FBXL17: variants seen among roughly 807,000 people sequenced by gnomAD.
The protein encoded by FBXL17 is F-box/LRR-repeat protein 17.
Under a neutral mutation model 66.2 loss-of-function variants are expected in FBXL17, and 22 were observed. The ratio of observed to expected loss-of-function variants is 0.33; its 90% CI spans 0.24 to 0.47. FBXL17 has a LOEUF of 0.47. FBXL17 is among the 20% of genes least tolerant of loss of function. The pLI, the probability that FBXL17 is intolerant of heterozygous loss-of-function variation, is 1.00. For missense variants in FBXL17, 878 were observed against 948.2 expected (o/e 0.93, Z 0.97); for synonymous variants, 474 against 400.5 (o/e 1.18, Z -2.19).
intron 6 of FBXL17, among the ~76,000 whole-genome samples, chr5:108,117,373 T>C (rs1039383852): frequency 2.0e-5 from 3 of 152,174 alleles, no homozygotes; most frequent in African/African-American, 7.2e-5. Context: ...ATTTAGTCTC[T>C]CAAACGTATA....
At chr5:107,930,548 C>T (rs1750695100) in intron 7 of FBXL17, among the ~76,000 whole-genome samples, 1 of 152,232 alleles carries the variant, frequency 6.6e-6, no homozygotes, top group Non-Finnish European at 1.5e-5. Flanking sequence ...GCCTCTCCAA[C>T]TAGTACATAA....
At chr5:108,060,261 T>C (rs1428683810) in intron 6 of FBXL17, among the ~76,000 whole-genome samples, 1 of 152,038 alleles carries the variant, frequency 6.6e-6, no homozygotes, top group Non-Finnish European at 1.5e-5. Context: ...TTCAGCTAAA[T>C]GGAGAAGAAA....
chr5:108,033,855 T>C (rs1746735695), intron 6 of FBXL17, among the ~76,000 whole-genome samples: 2 of 152,198 alleles, frequency 1.3e-5, no homozygotes, highest in African/African-American at 2.4e-5. Context: ...ATAATAACAA[T>C]TCTACTCTTA....
chr5:107,905,478 G>A (rs909726446), intron 7 of FBXL17, among the ~76,000 whole-genome samples: 1 of 152,022 alleles, frequency 6.6e-6, no homozygotes, highest in Admixed American at 6.6e-5. Flanking sequence ...AGGTGTATGG[G>A]ATACCTCCTC....
chr5:108,354,842 C>T (rs567314541), intron 3 of FBXL17, among the ~76,000 whole-genome samples: 4 of 151,436 alleles, frequency 2.6e-5, no homozygotes, highest in South Asian at 4.2e-4. Context: ...TTAGAAACCA[C>T]GCAATCAAGA....
chr5:108,328,116 G>C (rs1759942980), intron 4 of FBXL17, among the ~76,000 whole-genome samples: 1 of 152,124 alleles, frequency 6.6e-6, no homozygotes, highest in Non-Finnish European at 1.5e-5. Context: ...CAAGAAGTTT[G>C]TCACTGTGTG....
chr5:108,025,985 C>G (rs933776437), intron 6 of FBXL17, among the ~76,000 whole-genome samples: 2 of 151,982 alleles, frequency 1.3e-5, no homozygotes, highest in Non-Finnish European at 2.9e-5. Context: ...TAATCCAATC[C>G]CAGTGCAGTA....
chr5:108,074,645 A>G lies in FBXL17; in HGVS notation c.1746-53644T>C, dbSNP rs112208452. 3.9e-5 allele frequency among the ~76,000 whole-genome samples: 6 copies of G among 152,076 alleles called. 1 individual carries two copies. Among genetic ancestry groups the G allele is most frequent in the African/African-American group, 1.4e-4 (6 of 41,462 alleles). On this transcript the variant is annotated intron_variant, in intron 6 of 8. Coordinates refer to ENST00000542267, the MANE Select transcript of FBXL17 (RefSeq NM_001163315.3). ...GGAACACACAAAAAAGGCACCACTCACCTCTCTTCTGCCTTTTCTGTCTTC... is the reference window on the plus strand; with the variant it reads ...GGAACACACAAAAAAGGCACCACTCGCCTCTCTTCTGCCTTTTCTGTCTTC...
intron 6 of FBXL17, among the ~76,000 whole-genome samples, chr5:108,070,161 T>C (rs1748274111): frequency 6.6e-6 from 1 of 152,198 alleles, no homozygotes; most frequent in Non-Finnish European, 1.5e-5. Flanking sequence ...GTTCACTCTA[T>C]CATTCCATTA....
Position 108,127,157 on chromosome 5 carries a change from G to GT in FBXL17, c.1745+58959dup, listed in dbSNP as rs374063646. On this transcript the variant is annotated intron_variant, in intron 6 of 8. Transcript: ENST00000542267. ...ATGCACATGAAATTTTCTAAAGCCA[G>GT]TTTTGTCTAAGAAAGTAATTATAAA... Among the ~76,000 whole-genome samples the GT allele has an allele frequency of 4.9e-4, 74 of 152,286 alleles. 1 individual carries two copies. The South Asian group carries it at 0.013, about 27-fold the overall frequency.
chr5:108,056,343 G>A (rs957162515), intron 6 of FBXL17, among the ~76,000 whole-genome samples: 2 of 152,208 alleles, frequency 1.3e-5, no homozygotes, highest in Non-Finnish European at 2.9e-5. Flanking sequence ...TGCAGTGAAA[G>A]TAAGTCTTTG....
chr5:108,299,133 T>G, intron 4 of FBXL17: 1 of 978,826 alleles, frequency 1.0e-6, no homozygotes, highest in East Asian at 1.1e-4. Flanking sequence ...TTATTTAAAA[T>G]TGTTAAAAAT....
At chr5:107,949,734 A>C (rs1434791713) in intron 7 of FBXL17, among the ~76,000 whole-genome samples, 3 of 152,218 alleles carry the variant, frequency 2.0e-5, no homozygotes, top group Non-Finnish European at 4.4e-5. Context: ...ATGATATGCT[A>C]GGAGCTTTAC....
chr5:108,306,524 C>G (rs567435956), intron 4 of FBXL17, among the ~76,000 whole-genome samples: 62 of 152,150 alleles, frequency 4.1e-4, no homozygotes, highest in African/African-American at 1.4e-3. Context: ...AACTACCTTA[C>G]AGAGATAGTG....
At chr5:108,074,334 A>T (rs927422481) in intron 6 of FBXL17, among the ~76,000 whole-genome samples, 3 of 145,302 alleles carry the variant, frequency 2.1e-5, no homozygotes, top group African/African-American at 5.1e-5. Flanking sequence ...TTTTTTAAGG[A>T]GCTCTACAGT....
chr5:108,261,215 G>C (rs1756806610), intron 4 of FBXL17, among the ~76,000 whole-genome samples: 1 of 151,926 alleles, frequency 6.6e-6, no homozygotes, highest in African/African-American at 2.4e-5. Context: ...AACAGAAGCA[G>C]TTATGTGAAC....
chr5:108,219,603 C>G (rs560694313), intron 5 of FBXL17, among the ~76,000 whole-genome samples: 1 of 152,042 alleles, frequency 6.6e-6, no homozygotes, highest in Non-Finnish European at 1.5e-5. Flanking sequence ...AGGAGAATTG[C>G]TTGAACCCGA....
chr5:108,325,023 T>C (rs1759785239), intron 4 of FBXL17, among the ~76,000 whole-genome samples: 1 of 151,974 alleles, frequency 6.6e-6, no homozygotes, highest in African/African-American at 2.4e-5. Context: ...CAAAGTAGAA[T>C]GGTGGTTTTC....
intron 8 of FBXL17, among the ~76,000 whole-genome samples, chr5:107,876,762 A>C (rs1748625369): frequency 1.3e-5 from 2 of 152,212 alleles, no homozygotes; most frequent in South Asian, 4.1e-4. Context: ...GCCTTATAAG[A>C]AAAAGAAAAT....
Sources: allele counts gnomAD v4.1 joint callset (sites outside exome capture counted in the v4.1 genomes callset), GRCh38; gene constraint gnomAD v4.1.1; transcripts MANE v1.5; gene names NCBI Gene and HGNC (gene_info 2026-07-23, HGNC 2026-07-21).